The following LRP1B variants were observed in gnomAD, a reference collection of about 807,000 sequenced individuals.
LRP1B encodes the protein LDL receptor related protein 1B, also known as low-density lipoprotein receptor-related protein 1B.
In LRP1B, 217 loss-of-function variants were observed where a neutral mutation model predicts 556.6. The ratio of observed to expected loss-of-function variants is 0.39; its 90% CI spans 0.35 to 0.44. The LOEUF is 0.44. LRP1B is among the 20% of genes least tolerant of loss of function. The pLI is 1.00. For missense variants in LRP1B, 5,053 were observed against 5,620.8 expected (o/e 0.90, Z 3.23); for synonymous variants, 2,047 against 1,865.8 (o/e 1.10, Z -2.50).
intron 2 of LRP1B, among the ~76,000 whole-genome samples, chr2:141,728,219 T>C (rs1046571220): frequency 6.6e-6 from 1 of 152,152 alleles, no homozygotes; most frequent in African/African-American, 2.4e-5. Context: ...CCTCTCTGCA[T>C]AGTATTCTGT....
intron 2 of LRP1B, among the ~76,000 whole-genome samples, chr2:141,656,758 G>A (rs1167527145): frequency 2.0e-5 from 3 of 152,032 alleles, no homozygotes; most frequent in African/African-American, 7.2e-5. Context: ...ATATATGTAT[G>A]TAAAGTATGT....
intron 3 of LRP1B, among the ~76,000 whole-genome samples, chr2:141,465,879 T>C (rs182643746): frequency 6.6e-6 from 1 of 150,686 alleles, no homozygotes; most frequent in Admixed American, 6.6e-5. Flanking sequence ...CAGGTATGTT[T>C]TTTTTTATTA....
chr2:140,535,221 A>T (rs1366052918), intron 46 of LRP1B, among the ~76,000 whole-genome samples: 1 of 152,160 alleles, frequency 6.6e-6, no homozygotes, highest in East Asian at 1.9e-4. Flanking sequence ...CACAAATATC[A>T]TCTGACTTCT....
intron 2 of LRP1B, among the ~76,000 whole-genome samples, chr2:141,792,316 C>G (rs1695641474): frequency 6.6e-6 from 1 of 151,886 alleles, no homozygotes; most frequent in African/African-American, 2.4e-5. Context: ...ACATTCAAAA[C>G]TCAGAATCTT....
At chr2:141,011,071 CAG>C (rs143409764) in intron 14 of LRP1B, among the ~76,000 whole-genome samples, 5,218 of 142,524 alleles carry the variant, frequency 0.037, 106 homozygotes, top group African/African-American at 0.045. Context: ...TGTATTCTCT[CAG>C]AGAGAGAGAG....
At chr2:141,874,084 ATTTTTTTTTTTTTTT>A (rs200281267) in intron 1 of LRP1B, among the ~76,000 whole-genome samples, 1 of 103,124 alleles carries the variant, frequency 9.7e-6, no homozygotes, top group Admixed American at 1.1e-4. Context: ...TGAACTAACA[ATTTTTTTTTTTTTTT>A]TTTTTTTTTT....
rs115316853 is a variant in LRP1B, at chr2:140,716,495, A to T, written c.5893+187T>A. Among the ~76,000 whole-genome samples, 24 of 152,226 alleles carry T rather than the reference A, an allele frequency of 1.6e-4. 1 individual carries two copies. Among genetic ancestry groups the T allele is most frequent in the African/African-American group, 5.5e-4 (23 of 41,570 alleles). The stretch of plus-strand genomic sequence containing the variant: ...CACTACATAATCTACTTCTACATAA[A>T]AAAACTTATCCAAAGGCTCAAAAAC... On this transcript the variant is annotated intron_variant, in intron 36 of 90. Transcript: ENST00000389484.
intron 1 of LRP1B, among the ~76,000 whole-genome samples, chr2:141,884,053 A>T (rs1699035608): frequency 6.6e-6 from 1 of 152,074 alleles, no homozygotes; most frequent in Non-Finnish European, 1.5e-5. Context: ...AATACCAGGA[A>T]CCCTATCTGA....
At chr2:141,760,630 CT>C (rs897699361) in intron 2 of LRP1B, among the ~76,000 whole-genome samples, 6 of 152,068 alleles carry the variant, frequency 3.9e-5, no homozygotes, top group African/African-American at 9.7e-5. Flanking sequence ...AAAGCAAAAT[CT>C]TTTTAAGGTT....
chr2:141,517,259 T>TACACAC (rs71281835), intron 2 of LRP1B, among the ~76,000 whole-genome samples: 38 of 141,466 alleles, frequency 2.7e-4, no homozygotes, highest in South Asian at 1.4e-3. Flanking sequence ...AGGACAAGAA[T>TACACAC]ACGCACACAC....
intron 3 of LRP1B, among the ~76,000 whole-genome samples, chr2:141,478,330 T>C (rs907273099): frequency 1.3e-5 from 2 of 152,192 alleles, no homozygotes; most frequent in African/African-American, 4.8e-5. Flanking sequence ...GGAAAGGTGA[T>C]GGTTTTGTTC....
At chr2:140,884,165 A>C in intron 24 of LRP1B, 144 bp from the exon 25 acceptor site, 1 of 693,198 alleles carries the variant, frequency 1.4e-6, no homozygotes. Context: ...GCTACCTAGC[A>C]CAGGTAAAAC....
intron 35 of LRP1B, among the ~76,000 whole-genome samples, chr2:140,755,196 C>A (rs1573671860): frequency 6.6e-6 from 1 of 151,888 alleles, no homozygotes. Context: ...TCCCTCAAAT[C>A]CCAAGAACCA....
chr2:141,718,321 A>G (rs558903439), intron 2 of LRP1B, among the ~76,000 whole-genome samples: 97 of 152,148 alleles, frequency 6.4e-4, no homozygotes, highest in Non-Finnish European at 1.1e-3. Flanking sequence ...GCCGTTGGCA[A>G]TAGCTTAAAC....
chr2:141,843,721 G>A (rs1298785826), intron 1 of LRP1B, among the ~76,000 whole-genome samples: 1 of 152,070 alleles, frequency 6.6e-6, no homozygotes, highest in African/African-American at 2.4e-5. Flanking sequence ...CAATATAACA[G>A]TTTAACAAGA....
intron 41 of LRP1B, among the ~76,000 whole-genome samples, chr2:140,646,426 G>C (rs759014116): frequency 5.9e-5 from 9 of 152,106 alleles, no homozygotes; most frequent in Non-Finnish European, 1.2e-4. Flanking sequence ...GTTGTACTAG[G>C]TACTATTAAC....
chr2:140,445,568 A>G (rs1007829690), intron 63 of LRP1B, among the ~76,000 whole-genome samples: 2 of 151,790 alleles, frequency 1.3e-5, no homozygotes, highest in African/African-American at 4.8e-5. Context: ...CTATACGTAT[A>G]TTATAACAAA....
At chr2:141,426,845 T>G (rs1467593675) in intron 3 of LRP1B, among the ~76,000 whole-genome samples, 1 of 152,234 alleles carries the variant, frequency 6.6e-6, no homozygotes, top group Non-Finnish European at 1.5e-5. Context: ...TATTTTCTTA[T>G]TAGATTTTAT....
chr2:142,117,603 GTGTGTGTGTGTT>G (rs1707318473), intron 1 of LRP1B, among the ~76,000 whole-genome samples: 1 of 144,570 alleles, frequency 6.9e-6, no homozygotes, highest in African/African-American at 2.9e-5. Flanking sequence ...TTTTATTTGT[GTGTGTGTGTGTT>G]TGTGTGTGTG....
Sources: allele counts gnomAD v4.1 joint callset (sites outside exome capture counted in the v4.1 genomes callset), GRCh38; gene constraint gnomAD v4.1.1; transcripts MANE v1.5; gene names NCBI Gene and HGNC (gene_info 2026-07-23, HGNC 2026-07-21).